Variants in KIAA0319 observed in about 807,000 individuals in gnomAD.
KIAA0319 encodes the protein dyslexia-associated protein KIAA0319.
Under a neutral mutation model 108.4 loss-of-function variants are expected in KIAA0319, and 83 were observed. The ratio of observed to expected loss-of-function variants is 0.77; its 90% CI spans 0.64 to 0.92. The LOEUF (loss-of-function observed/expected upper bound fraction) is 0.92, where lower values mean the gene tolerates loss of function less well. Among genes scored for constraint, KIAA0319 ranks in the 40% least tolerant of loss-of-function variants. KIAA0319 has a pLI of 0.00. For missense variants in KIAA0319, 1,195 were observed against 1,322.4 expected (o/e 0.90, Z 1.49); for synonymous variants, 484 against 510.4 (o/e 0.95, Z 0.70).
chr6:24,569,756 A>G (rs1764412824), intron 12 of KIAA0319, 147 bp downstream of exon 12: 1 of 902,068 alleles, frequency 1.1e-6, no homozygotes, highest in Non-Finnish European at 1.7e-6. Flanking sequence ...CTCTTCAATC[A>G]ATAACGCCCA....
chr6:24,560,398 G>C (rs926014348), intron 16 of KIAA0319, among the ~76,000 whole-genome samples: 1 of 152,156 alleles, frequency 6.6e-6, no homozygotes, highest in African/African-American at 2.4e-5. Context: ...AGCCATCCTA[G>C]CAGGTGTGAA....
intron 1 of KIAA0319, among the ~76,000 whole-genome samples, chr6:24,618,785 T>C (rs1051493524): frequency 2.7e-5 from 4 of 149,874 alleles, no homozygotes; most frequent in African/African-American, 9.8e-5. Flanking sequence ...AAAAAAGTAG[T>C]AGCAAGGTAC....
In KIAA0319 at chr6:24,565,715, T is replaced by G. The variant is rs113778169; in HGVS notation, c.2292+882A>C. ...TTGCAGTGAGCCGAGATTGCGCCACTGCACTACAGCCTGGGCGATAGAGTG... is the reference window on the plus strand; with the variant it reads ...TTGCAGTGAGCCGAGATTGCGCCACGGCACTACAGCCTGGGCGATAGAGTG... On this transcript the variant is annotated intron_variant, in intron 14 of 20. Coordinates refer to ENST00000378214, the MANE Select transcript of KIAA0319 (RefSeq NM_014809.4). 8.7e-3 allele frequency among the ~76,000 whole-genome samples: 1,129 copies of G among 129,190 alleles called. 26 individuals carry two copies. The highest frequency in any genetic ancestry group is 0.033 in the African/African-American group (1,063 of 32,504). 84.8% of individuals were successfully genotyped at this position (129,190 alleles called of 152,430 possible). A position where few individuals can be genotyped will look rare whatever the true frequency, so the allele number is the denominator to read the frequency against.
At chr6:24,600,734 T>C in intron 2 of KIAA0319, 1 of 1,377,594 alleles carries the variant, frequency 7.3e-7, no homozygotes, top group Non-Finnish European at 9.9e-7. Flanking sequence ...AATAAAGATT[T>C]CTGATAAAAG....
chr6:24,575,834 A>C (rs1765409334), intron 10 of KIAA0319, among the ~76,000 whole-genome samples: 1 of 152,138 alleles, frequency 6.6e-6, no homozygotes, highest in Non-Finnish European at 1.5e-5. Context: ...TTTGCCAATC[A>C]CAAAAAGAAG....
chr6:24,633,485 C>T (rs893559162), intron 1 of KIAA0319, among the ~76,000 whole-genome samples: 3 of 152,052 alleles, frequency 2.0e-5, no homozygotes, highest in Non-Finnish European at 2.9e-5. Context: ...AAGGGCCAGG[C>T]TCAGTGGCTC....
At chr6:24,570,779 C>T (rs1337237016) in intron 11 of KIAA0319, among the ~76,000 whole-genome samples, 4 of 152,104 alleles carry the variant, frequency 2.6e-5, no homozygotes, top group African/African-American at 7.2e-5. Context: ...CCTGCTTTAT[C>T]AGGTAGGGCT....
At chr6:24,542,450 C>A (rs1160756952), downstream of KIAA0319, among the ~76,000 whole-genome samples, 3 of 152,200 alleles carry the variant, frequency 2.0e-5, no homozygotes, top group Non-Finnish European at 4.4e-5. Flanking sequence ...CTAAGTGGGA[C>A]CTGGCACTGT....
rs1209423028 is a variant in KIAA0319, at chr6:24,559,076, T to C, written c.2671A>G (p.Met891Val). 1.2e-6 allele frequency: 2 copies of C among 1,613,708 alleles called. No homozygotes were observed. The highest frequency in any genetic ancestry group is 2.7e-5 in the African/African-American group (2 of 74,934). The change falls in exon 17 of 21, where the codon ATG (methionine) becomes GTG (valine). Residue 891 changes from methionine to valine, a missense_variant. Coordinates refer to ENST00000378214, the MANE Select transcript of KIAA0319 (RefSeq NM_014809.4). ...KAAEVARNLHMRLSKEKADFL... is the reference protein window; with the variant it reads ...KAAEVARNLHVRLSKEKADFL... ...TCAGCCTTCTCCTTTGAGAGCCGCA[T>C]GTGCAGATTTCGGGCCACTTCAGCA...
chr6:24,567,527 C>T (rs1427252280), intron 13 of KIAA0319, among the ~76,000 whole-genome samples: 1 of 152,030 alleles, frequency 6.6e-6, no homozygotes, highest in Non-Finnish European at 1.5e-5. Flanking sequence ...CAAGACCCGT[C>T]TCCACACACA....
intron 3 of KIAA0319, among the ~76,000 whole-genome samples, chr6:24,595,288 T>A (rs1769297566): frequency 6.6e-6 from 1 of 152,086 alleles, no homozygotes; most frequent in Admixed American, 6.5e-5. Context: ...GGCTCACGCC[T>A]GTAATCCCAG....
At chr6:24,633,759 T>C (rs1775867467) in intron 1 of KIAA0319, among the ~76,000 whole-genome samples, 1 of 152,124 alleles carries the variant, frequency 6.6e-6, no homozygotes, top group African/African-American at 2.4e-5. Flanking sequence ...GAACAAAAAA[T>C]TATTAGATCA....
In KIAA0319 at chr6:24,639,678, T is replaced by C. The variant is rs993446104; in HGVS notation, c.-106+6058A>G. Among the ~76,000 whole-genome samples the C allele has an allele frequency of 3.9e-5, 6 of 152,158 alleles. No individual in the cohort carries two copies. In the East Asian group the frequency reaches 1.2e-3, roughly 29 times the overall value. ...GCCTGGCCAACATAGTGAAACCCCA[T>C]TTCTACTAAAAATACAAAAATTAGC... is the stretch of plus-strand genomic sequence containing the variant. On this transcript the variant is annotated intron_variant, in intron 1 of 20. Transcript: ENST00000378214.
At chr6:24,634,175 A>G (rs1455701915) in intron 1 of KIAA0319, among the ~76,000 whole-genome samples, 3 of 152,248 alleles carry the variant, frequency 2.0e-5, no homozygotes, top group Non-Finnish European at 2.9e-5. Context: ...TGTTAGGAAT[A>G]CAGAGATGAA....
rs749632488 is a variant in KIAA0319 at position 24,578,189 on chromosome 6, G to T, written c.1426C>A (p.Pro476Thr). ...ACTGAAGTCTTCTCTTCTATGAAGG[G>T]CCCGTTTATTTCTTCCCAATGATAA... ...VSYHWEEING[P>T]FIEEKTSVDS... Residue 476 changes from proline (P) to threonine (T), a missense_variant, in exon 9 of 21, where the codon CCC becomes ACC. Physicochemically the swap from Pro to Thr is conservative, Grantham distance 38 (BLOSUM62 -1). Transcript: ENST00000378214. The T allele has an allele frequency of 6.2e-6, 10 of 1,608,652 alleles. No homozygotes were observed. In the Admixed American group the frequency reaches 1.7e-4, roughly 27 times the overall value.
At chr6:24,628,987 G>C (rs1359305061) in intron 1 of KIAA0319, among the ~76,000 whole-genome samples, 1 of 152,144 alleles carries the variant, frequency 6.6e-6, no homozygotes, top group Non-Finnish European at 1.5e-5. Context: ...AGCATCTTTT[G>C]TGGGGACACC....
chr6:24,594,966 A>T (rs1396010119), intron 3 of KIAA0319, among the ~76,000 whole-genome samples: 1 of 151,920 alleles, frequency 6.6e-6, no homozygotes, highest in Non-Finnish European at 1.5e-5. Flanking sequence ...TGTCTCCCTG[A>T]CCTCCTGCCA....
At chr6:24,642,185 A>AG (rs1267236139) in intron 1 of KIAA0319, among the ~76,000 whole-genome samples, 1 of 87,864 alleles carries the variant, frequency 1.1e-5, no homozygotes, top group African/African-American at 5.1e-5. Flanking sequence ...GGAAAGAAAG[A>AG]AAGAGAGAAA....
intron 1 of KIAA0319, among the ~76,000 whole-genome samples, chr6:24,640,637 A>T (rs933566804): frequency 1.3e-5 from 2 of 152,188 alleles, no homozygotes; most frequent in African/African-American, 4.8e-5. Context: ...TATATATAAC[A>T]TAACATTTAC....
Sources: gnomAD v4.1 joint callset for allele counts (sites outside exome capture counted in the v4.1 genomes callset) on GRCh38, gnomAD v4.1.1 for gene constraint, MANE v1.5 for transcripts, NCBI Gene and HGNC (gene_info 2026-07-23, HGNC 2026-07-21) for gene names.